The following ABCA13 variants were observed in gnomAD, a reference collection of about 807,000 sequenced individuals.
ABCA13 encodes the protein ATP-binding cassette sub-family A member 13.
Under a neutral mutation model 478.7 loss-of-function variants are expected in ABCA13, and 476 were observed. The observed-to-expected ratio is 0.99, with a 90% CI of 0.92 to 1.07. The LOEUF is 1.07. Among genes scored for constraint, ABCA13 ranks in the 50% least tolerant of loss-of-function variants. ABCA13 has a pLI of 0.00. For missense variants in ABCA13, 6,060 were observed against 5,910.6 expected, an observed-to-expected ratio of 1.03 and a Z score of -0.83; for synonymous variants, 2,252 against 2,158.9, an observed-to-expected ratio of 1.04 and a Z score of -1.20.
chr7:48,452,624 G>A (rs1393847543), intron 42 of ABCA13, among the ~76,000 whole-genome samples: 4 of 152,216 alleles, frequency 2.6e-5, no homozygotes, highest in East Asian at 1.9e-4. Flanking sequence ...ATGAGAAGGT[G>A]CACAGTTTGG....
At chr7:48,238,049 TA>T (rs1456023246) in intron 8 of ABCA13, among the ~76,000 whole-genome samples, 23 of 152,376 alleles carry the variant, frequency 1.5e-4, no homozygotes, top group African/African-American at 4.1e-4. Context: ...CACATGGGAC[TA>T]AAATTAAGCT....
intron 43 of ABCA13, among the ~76,000 whole-genome samples, chr7:48,463,673 A>T (rs1826521745): frequency 6.6e-6 from 1 of 152,146 alleles, no homozygotes; most frequent in Non-Finnish European, 1.5e-5. Flanking sequence ...CCAGAAATTT[A>T]TCAACACCAA....
chr7:48,325,528 A>G lies in ABCA13; in HGVS notation c.9999+8232A>G, dbSNP rs189926043. ...TACTTTCAGTGATCTTGACATATTGAAGAAATCTGATTACTTTTTCTTTTT... is the reference window on the plus strand; with the variant it reads ...TACTTTCAGTGATCTTGACATATTGGAGAAATCTGATTACTTTTTCTTTTT... On this transcript the variant is annotated intron_variant, in intron 27 of 61. Transcript: ENST00000435803. Among the ~76,000 whole-genome samples the G allele has an allele frequency of 2.6e-4, 40 of 152,204 alleles. 1 individual carries two copies. The highest frequency in any genetic ancestry group is 2.2e-3 in the Admixed American group (34 of 15,282).
At chr7:48,627,348 T>G (rs1239326326) in intron 59 of ABCA13, among the ~76,000 whole-genome samples, 1 of 152,220 alleles carries the variant, frequency 6.6e-6, no homozygotes, top group East Asian at 1.9e-4. Context: ...GTACATGTCG[T>G]GGGCACCTGC....
At chr7:48,540,915 C>T (rs1833904064) in intron 55 of ABCA13, among the ~76,000 whole-genome samples, 1 of 152,064 alleles carries the variant, frequency 6.6e-6, no homozygotes, top group Admixed American at 6.6e-5. Context: ...TATCGTAACT[C>T]TCAACTTTTT....
rs1204129160 is a variant in ABCA13 at position 48,189,968 on chromosome 7, A to G, written c.70-2991A>G. Among the ~76,000 whole-genome samples, 18 of 152,348 alleles carry G rather than the reference A, an allele frequency of 1.2e-4. No individual in the cohort carries two copies. The South Asian group carries it at 2.9e-3, about 25-fold the overall frequency. The stretch of plus-strand genomic sequence containing the variant: ...TAGAAAAATAGGCAACTGGAAGAAC[A>G]GAGAGTTAATATGCAAGGAATTATT... On this transcript the variant is annotated intron_variant, in intron 1 of 61. Transcript: ENST00000435803.
intron 25 of ABCA13, 57 bp from the exon 26 acceptor site, chr7:48,314,175 T>A: frequency 6.4e-7 from 1 of 1,550,426 alleles, no homozygotes; most frequent in African/African-American, 1.4e-5. Flanking sequence ...CAGAAGTGTG[T>A]GAAGGAATTG....
chr7:48,373,008 C>T (rs1193313073), intron 33 of ABCA13, among the ~76,000 whole-genome samples: 1 of 152,146 alleles, frequency 6.6e-6, no homozygotes, highest in Non-Finnish European at 1.5e-5. Context: ...AGTATTCATT[C>T]TTTTATGGCA....
At chr7:48,519,247 A>AT (rs1410647420) in intron 52 of ABCA13, among the ~76,000 whole-genome samples, 1 of 152,168 alleles carries the variant, frequency 6.6e-6, no homozygotes, top group Non-Finnish European at 1.5e-5. Context: ...TATTGTGAAT[A>AT]GTGCTGCAGT....
At chr7:48,361,871 C>T (rs1810906706) in intron 31 of ABCA13, among the ~76,000 whole-genome samples, 1 of 151,834 alleles carries the variant, frequency 6.6e-6, no homozygotes, top group Admixed American at 6.6e-5. Flanking sequence ...GTTTACACAG[C>T]TTACTTGTAA....
At position 48,460,523 on chromosome 7, in the gene ABCA13, G is replaced by A. The variant is rs116745727; in HGVS notation, c.12815+5237G>A. Among the ~76,000 whole-genome samples the A allele has an allele frequency of 1.4e-3, 220 of 152,218 alleles. 1 individual carries two copies. The highest frequency in any genetic ancestry group is 5.0e-3 in the African/African-American group (206 of 41,538). On this transcript the variant is annotated intron_variant, in intron 43 of 61. Coordinates refer to ENST00000435803, the MANE Select transcript of ABCA13 (RefSeq NM_152701.5). The stretch of plus-strand genomic sequence containing the variant: ...CACATTTCCCTCTTAGAAGGACACC[G>A]GTCATATTGGATATGGTACCCACTC...
At chr7:48,534,146 CA>C (rs1462047759) in intron 55 of ABCA13, among the ~76,000 whole-genome samples, 2 of 152,194 alleles carry the variant, frequency 1.3e-5, no homozygotes, top group South Asian at 2.1e-4. Flanking sequence ...CTTGTTTTAG[CA>C]GTTCTTGTAG....
intron 31 of ABCA13, among the ~76,000 whole-genome samples, chr7:48,367,524 A>G (rs1811865664): frequency 6.6e-6 from 1 of 152,196 alleles, no homozygotes; most frequent in Non-Finnish European, 1.5e-5. Flanking sequence ...TGCTCTGCCT[A>G]TGGCAGGTGT....
chr7:48,221,144 C>T (rs1787304399), intron 4 of ABCA13, 137 bp from the exon 5 acceptor site: 2 of 501,506 alleles, frequency 4.0e-6, no homozygotes, highest in Non-Finnish European at 7.2e-6. Flanking sequence ...TAGATTTATT[C>T]TTCAGTTTTG....
chr7:48,542,393 T>C (rs1013336447), intron 55 of ABCA13, among the ~76,000 whole-genome samples: 5 of 151,766 alleles, frequency 3.3e-5, no homozygotes, highest in Admixed American at 6.6e-5. Context: ...TTTAGCATTT[T>C]CTGGAATTTA....
chr7:48,231,664 A>G (rs1233243380), intron 7 of ABCA13, among the ~76,000 whole-genome samples: 1 of 151,704 alleles, frequency 6.6e-6, no homozygotes, highest in African/African-American at 2.4e-5. Flanking sequence ...AACTATTATT[A>G]TTATTATTAT....
At chr7:48,418,924 G>A (rs1820381028) in intron 41 of ABCA13, among the ~76,000 whole-genome samples, 2 of 152,204 alleles carry the variant, frequency 1.3e-5, no homozygotes, top group South Asian at 4.1e-4. Context: ...ATAAAGAAAA[G>A]AGGTTTAATT....
intron 59 of ABCA13, among the ~76,000 whole-genome samples, chr7:48,632,130 C>T (rs761146218): frequency 4.6e-5 from 7 of 152,152 alleles, no homozygotes; most frequent in African/African-American, 9.7e-5. Context: ...AGATTTACTT[C>T]CTCTTTTCTG....
At chr7:48,582,858 AAAAC>A (rs1163293549) in intron 56 of ABCA13, among the ~76,000 whole-genome samples, 4 of 152,222 alleles carry the variant, frequency 2.6e-5, no homozygotes, top group African/African-American at 9.6e-5. Context: ...TACACTGCAC[AAAAC>A]TGTGCAGTGT....
Sources: gnomAD v4.1 joint callset for allele counts (sites outside exome capture counted in the v4.1 genomes callset) on GRCh38, gnomAD v4.1.1 for gene constraint, MANE v1.5 for transcripts, NCBI Gene and HGNC (gene_info 2026-07-23, HGNC 2026-07-21) for gene names.